Variants in PCDHA7 observed in about 807,000 individuals in gnomAD.
The protein encoded by PCDHA7 is protocadherin alpha 7.
In PCDHA7, 37 loss-of-function variants were observed where a neutral mutation model predicts 57.2. The observed-to-expected ratio is 0.65, with a 90% CI of 0.50 to 0.85. PCDHA7 has a LOEUF of 0.85. PCDHA7 is among the 40% of genes least tolerant of loss of function. The probability of loss-of-function intolerance (pLI) is 0.00; values close to 1 mark genes in which losing one functional copy is unlikely to be tolerated. For missense variants in PCDHA7, 1,188 were observed against 1,241.8 expected (o/e 0.96, Z 0.65); for synonymous variants, 553 against 558.8 (o/e 0.99, Z 0.15).
chr5:140,918,579 G>A (rs1396239560), intron 1 of PCDHA7, among the ~76,000 whole-genome samples: 1 of 152,112 alleles, frequency 6.6e-6, no homozygotes, highest in Admixed American at 6.5e-5. Flanking sequence ...GCTGCTATTG[G>A]CTATATGTTC....
chr5:140,871,300 C>T (rs1562661811), intron 1 of PCDHA7: 4 of 1,613,916 alleles, frequency 2.5e-6, no homozygotes, highest in Non-Finnish European at 3.4e-6. Context: ...CGCGTGCGCG[C>T]CGGGGAAGCC....
At position 140,851,390 on chromosome 5, in the gene PCDHA7, C is replaced by A. The variant is rs1410826615; in HGVS notation, c.2355+14652C>A. The A allele has an allele frequency of 2.3e-5, 22 of 973,626 alleles. 2 individuals are homozygous for A. In the African/African-American group the frequency reaches 3.7e-4, roughly 16 times the overall value. The allele number at this position is 973,626 out of a possible 1,614,324, so 60.3% of individuals were successfully genotyped here. A position where few individuals can be genotyped will look rare whatever the true frequency, so the allele number is the denominator to read the frequency against. On this transcript the variant is annotated intron_variant, in intron 1 of 3. Transcript: ENST00000525929. ...CTGATTGTTCAGCAACCTTCAGTAT[C>A]TATTATTTTAATAAGAAAGAAACTT...
intron 1 of PCDHA7, chr5:140,876,989 G>T (rs781957201): frequency 1.2e-6 from 2 of 1,612,664 alleles, no homozygotes; most frequent in South Asian, 1.1e-5. Context: ...GCACTGTCGA[G>T]CTACGTGTCG....
rs782473800 is a variant in PCDHA7 at position 140,927,043 on chromosome 5, T to C, written c.2356-51906T>C. On this transcript the variant is annotated intron_variant, in intron 1 of 3. Transcript: ENST00000525929. Reference sequence around the variant, plus strand: ...CTTGAGGCTGCCAGCGGCCGCTATGTCCTCGCGGAACTTTCGCTTCCTTTC... The same window carrying C: ...CTTGAGGCTGCCAGCGGCCGCTATGCCCTCGCGGAACTTTCGCTTCCTTTC... 11 of 1,612,262 alleles carry C rather than the reference T, an allele frequency of 6.8e-6. No homozygotes were observed. Among genetic ancestry groups the C allele is most frequent in the Non-Finnish European group, 9.3e-6 (11 of 1,178,916 alleles).
chr5:140,930,654 C>T (rs1229167848), intron 1 of PCDHA7, among the ~76,000 whole-genome samples: 1 of 152,106 alleles, frequency 6.6e-6, no homozygotes, highest in Non-Finnish European at 1.5e-5. Context: ...ATGAAGCATT[C>T]CTTGTTTTAC....
chr5:141,001,468 G>A (rs1375908420), intron 3 of PCDHA7, among the ~76,000 whole-genome samples: 1 of 152,226 alleles, frequency 6.6e-6, no homozygotes, highest in African/African-American at 2.4e-5. Context: ...GGACTAAGCA[G>A]CAGCGGGGAA....
intron 1 of PCDHA7, chr5:140,929,146 CAG>C (rs782305171): frequency 6.2e-7 from 1 of 1,614,180 alleles, no homozygotes; most frequent in Non-Finnish European, 8.5e-7. Flanking sequence ...GAGACTTTCT[CAG>C]ACTTATCTCT....
intron 1 of PCDHA7, chr5:140,968,791 C>G (rs2096270570): frequency 2.5e-6 from 4 of 1,614,076 alleles, no homozygotes; most frequent in Non-Finnish European, 3.4e-6. Flanking sequence ...CCTCTGTGGC[C>G]ATTACAGTAG....
intron 1 of PCDHA7, chr5:140,883,404 C>A: frequency 6.2e-7 from 1 of 1,614,222 alleles, no homozygotes; most frequent in Non-Finnish European, 8.5e-7. Context: ...GATCGTGACT[C>A]TGGCTCAAAT....
rs912184171 is a variant in PCDHA7 at position 140,852,142 on chromosome 5, T to G, written c.2355+15404T>G. 6 of 876,650 alleles carry G rather than the reference T, an allele frequency of 6.8e-6. No individual in the cohort carries two copies. In the African/African-American group the frequency reaches 1.1e-4, roughly 16 times the overall value. The allele number at this position is 876,650 out of a possible 1,614,324, so 54.3% of individuals were successfully genotyped here. ...TAATTAAAAACTCAGTAGAGAAAGA[T>G]CAGAATGGCCTTGAGAATAGAGCCA... On this transcript the variant is annotated intron_variant, in intron 1 of 3. Transcript: ENST00000525929.
intron 1 of PCDHA7, among the ~76,000 whole-genome samples, chr5:140,838,604 C>G (rs1335900872): frequency 6.6e-6 from 1 of 151,900 alleles, no homozygotes; most frequent in Non-Finnish European, 1.5e-5. Context: ...ATTGTCTAGA[C>G]TTTTAAAAAT....
In PCDHA7 at chr5:140,927,810, GGAGGCATACATT is replaced by G. The variant is rs782126534; in HGVS notation, c.2356-51133_2356-51122del. Reference sequence around the variant, plus strand: ...CACTAGGTCCGCCTGAAACGCTCTTGGAGGCATACATTGAGGCGAGGGACGAAGGTGTCTTTG... The same window carrying G: ...CACTAGGTCCGCCTGAAACGCTCTTGGAGGCGAGGGACGAAGGTGTCTTTG... On this transcript the variant is annotated intron_variant, in intron 1 of 3. Transcript: ENST00000525929. 3.7e-6 allele frequency: 6 copies of G among 1,614,082 alleles called. No individual in the cohort carries two copies. The South Asian group carries it at 6.6e-5, about 18-fold the overall frequency.
intron 1 of PCDHA7, among the ~76,000 whole-genome samples, chr5:140,891,204 C>T (rs2153433269): frequency 6.6e-6 from 1 of 152,078 alleles, no homozygotes; most frequent in South Asian, 2.1e-4. Flanking sequence ...GCAGTTTTAC[C>T]ATGCTGTGTC....
intron 1 of PCDHA7, chr5:140,967,059 C>A (rs2153750398): frequency 6.2e-7 from 1 of 1,612,750 alleles, no homozygotes; most frequent in Non-Finnish European, 8.5e-7. Context: ...ACGAGTGGAG[C>A]GCTCTTCGTC....
At chr5:140,842,541 T>A in intron 1 of PCDHA7, 1 of 1,609,746 alleles carries the variant, frequency 6.2e-7, no homozygotes. Context: ...TACTACTCGT[T>A]GGTGCTGGAC....
intron 1 of PCDHA7, chr5:140,847,378 T>C (rs2150399722): frequency 6.7e-6 from 1 of 149,708 alleles, no homozygotes; most frequent in East Asian, 1.9e-4. Context: ...AAAAGATAAA[T>C]ATGCAAAAAC....
chr5:140,835,375 C>T lies in PCDHA7; in HGVS notation c.992C>T (p.Ala331Val). ...EAVDKGFPPL[A>V]GHCTVLVEVV... is the part of the protein sequence containing the mutation. ...GTCGATAAAGGCTTCCCACCCCTGG[C>T]TGGTCATTGTACAGTTCTTGTGGAA... Residue 331 changes from alanine to valine, a missense_variant, in exon 1 of 4, where the codon GCT becomes GTT. Coordinates refer to ENST00000525929, the MANE Select transcript of PCDHA7 (RefSeq NM_018910.3). The T allele has an allele frequency of 1.2e-6, 2 of 1,613,976 alleles. No homozygotes were observed. Among genetic ancestry groups the T allele is most frequent in the Non-Finnish European group, 1.7e-6 (2 of 1,179,866 alleles).
Position 140,836,475 on chromosome 5 carries a change from G to C in PCDHA7, c.2092G>C (p.Val698Leu). The C allele has an allele frequency of 6.2e-7, 1 of 1,613,846 alleles. No homozygotes were observed. Among genetic ancestry groups the C allele is most frequent in the Non-Finnish European group, 8.5e-7 (1 of 1,179,870 alleles). Residue 698 changes from valine to leucine, a missense_variant, in exon 1 of 4, where the codon GTG becomes CTG. Physicochemically the swap from Val to Leu is conservative, Grantham distance 32 (BLOSUM62 1). Transcript: ENST00000525929. ...AGAGACCGAGCTGGTGGATGTCAAC[G>C]TGTACCTGATCATCGCCATCTGCGC... ...GPETELVDVN[V>L]YLIIAICAVS... is the part of the protein sequence containing the mutation.
At chr5:140,877,571 T>C in intron 1 of PCDHA7, 1 of 1,613,760 alleles carries the variant, frequency 6.2e-7, no homozygotes, top group African/African-American at 1.3e-5. Context: ...AACGTGTACC[T>C]CATCATCGCC....
Sources: allele counts gnomAD v4.1 joint callset (sites outside exome capture counted in the v4.1 genomes callset), GRCh38; gene constraint gnomAD v4.1.1; transcripts MANE v1.5; gene names NCBI Gene and HGNC (gene_info 2026-07-23, HGNC 2026-07-21).